The following PCDHA4 variants were observed in gnomAD, a reference collection of about 807,000 sequenced individuals.
PCDHA4 encodes the protein protocadherin alpha 4.
PCDHA4 carries 49 observed loss-of-function variants against 61.4 expected under a neutral mutation model. That is an observed-to-expected ratio of 0.80 (90% confidence interval 0.63 to 1.01). PCDHA4 has a LOEUF of 1.01. PCDHA4 is among the 50% of genes least tolerant of loss of function. The pLI is 0.00. For synonymous variants in PCDHA4, 590 were observed against 550.3 expected (o/e 1.07, Z -1.01); for missense variants, 1,254 against 1,235.8 (o/e 1.01, Z -0.22).
intron 1 of PCDHA4, chr5:140,829,547 G>A (rs2150169792): frequency 2.5e-6 from 4 of 1,612,860 alleles, no homozygotes; most frequent in African/African-American, 1.3e-5. Flanking sequence ...GGACGCGCAG[G>A]AGAACGCGCT....
intron 1 of PCDHA4, among the ~76,000 whole-genome samples, chr5:140,933,894 A>G (rs2089494206): frequency 6.6e-6 from 1 of 151,894 alleles, no homozygotes; most frequent in Non-Finnish European, 1.5e-5. Context: ...ACTTTTGAAT[A>G]TTTTGGCATA....
chr5:140,861,632 A>G (rs1314096154), intron 1 of PCDHA4: 8 of 308,696 alleles, frequency 2.6e-5, no homozygotes, highest in Non-Finnish European at 3.9e-5. Context: ...TGTTCTCAGC[A>G]ACACAAAAGA....
chr5:140,843,045 G>A (rs1219663342), intron 1 of PCDHA4: 1 of 1,594,956 alleles, frequency 6.3e-7, no homozygotes, highest in Non-Finnish European at 8.6e-7. Flanking sequence ...GGCACTGGTG[G>A]CGCAGCGAGC....
chr5:140,950,254 T>C (rs1554219388), intron 1 of PCDHA4, among the ~76,000 whole-genome samples: 1 of 152,040 alleles, frequency 6.6e-6, no homozygotes. Context: ...CCTAAAGAGC[T>C]GAGTTTATCC....
chr5:140,964,099 C>T (rs2095809950), intron 1 of PCDHA4, among the ~76,000 whole-genome samples: 1 of 152,142 alleles, frequency 6.6e-6, no homozygotes, highest in South Asian at 2.1e-4. Flanking sequence ...TAATTAACAA[C>T]AGTCTGAGCA....
At chr5:141,002,759 G>A (rs1312107218) in intron 3 of PCDHA4, among the ~76,000 whole-genome samples, 1 of 152,214 alleles carries the variant, frequency 6.6e-6, no homozygotes, top group Non-Finnish European at 1.5e-5. Flanking sequence ...ACCCTGTGAT[G>A]TAGACAGGAA....
intron 1 of PCDHA4, chr5:140,830,956 A>G (rs1012180465): frequency 6.6e-6 from 1 of 152,094 alleles, no homozygotes; most frequent in Non-Finnish European, 1.5e-5. Flanking sequence ...TAACGCTTTG[A>G]TTTTATCCAT....
chr5:140,835,671 G>T (rs1489343208), intron 1 of PCDHA4: 8 of 1,613,790 alleles, frequency 5.0e-6, no homozygotes, highest in Non-Finnish European at 6.8e-6. Context: ...CGCGCGGGAC[G>T]GGGGCTCGCC....
chr5:140,993,463 CACACACACACACACA>C (rs2097564014), intron 3 of PCDHA4, among the ~76,000 whole-genome samples: 3 of 7,580 alleles, frequency 4.0e-4, no homozygotes, highest in African/African-American at 2.0e-3. Context: ...CTTTCTTTCT[CACACACACACACACA>C]CACACACACA....
intron 3 of PCDHA4, among the ~76,000 whole-genome samples, chr5:140,995,409 A>G (rs1056120944): frequency 2.6e-4 from 39 of 152,210 alleles, no homozygotes; most frequent in Admixed American, 6.5e-5. Flanking sequence ...TCGAGATTTC[A>G]TCACATTACT....
chr5:140,916,211 G>C (rs1373329073), intron 1 of PCDHA4, among the ~76,000 whole-genome samples: 4 of 152,182 alleles, frequency 2.6e-5, no homozygotes, highest in Non-Finnish European at 5.9e-5. Flanking sequence ...CCCTGGGGAA[G>C]ATCCAAATAT....
chr5:140,874,505 T>C (rs550206385), intron 1 of PCDHA4, among the ~76,000 whole-genome samples: 1 of 152,366 alleles, frequency 6.6e-6, no homozygotes, highest in African/African-American at 2.4e-5. Context: ...GTTCACATTC[T>C]CTTGACTTTA....
At chr5:140,956,629 G>A (rs1554222520) in intron 1 of PCDHA4, among the ~76,000 whole-genome samples, 1 of 152,060 alleles carries the variant, frequency 6.6e-6, no homozygotes, top group Non-Finnish European at 1.5e-5. Flanking sequence ...TTGCATCTCT[G>A]CCAGGTTTTG....
intron 1 of PCDHA4, chr5:140,968,131 G>A (rs1485866692): frequency 1.2e-6 from 2 of 1,614,042 alleles, no homozygotes; most frequent in African/African-American, 1.3e-5. Context: ...TGCGTACACT[G>A]AAGGTTGAGA....
chr5:140,940,305 A>G (rs2092590184), intron 1 of PCDHA4, among the ~76,000 whole-genome samples: 1 of 152,126 alleles, frequency 6.6e-6, no homozygotes, highest in Non-Finnish European at 1.5e-5. Flanking sequence ...GTAATTTATT[A>G]TCTTTCTTCC....
chr5:140,874,465 T>C (rs1554167224), intron 1 of PCDHA4, among the ~76,000 whole-genome samples: 1 of 152,184 alleles, frequency 6.6e-6, no homozygotes. Flanking sequence ...TAGGGGAAGA[T>C]TTAGAGAAAA....
intron 1 of PCDHA4, chr5:140,877,161 G>A: frequency 6.2e-7 from 1 of 1,613,828 alleles, no homozygotes; most frequent in South Asian, 1.1e-5. Context: ...ACAACGCGCC[G>A]GCACTGCTGG....
intron 1 of PCDHA4, chr5:140,828,882 T>C (rs1187191951): frequency 3.7e-6 from 6 of 1,614,110 alleles, no homozygotes; most frequent in Non-Finnish European, 5.1e-6. Context: ...GTTATCAGAC[T>C]GAATGCTTCT....
At chr5:140,909,519 T>C (rs975700982) in intron 1 of PCDHA4, among the ~76,000 whole-genome samples, 4 of 152,214 alleles carry the variant, frequency 2.6e-5, no homozygotes, top group Non-Finnish European at 4.4e-5. Context: ...TCACAACCCC[T>C]GCACATTTTG....
Sources: allele counts gnomAD v4.1 joint callset (sites outside exome capture counted in the v4.1 genomes callset), GRCh38; gene constraint gnomAD v4.1.1; transcripts MANE v1.5; gene names NCBI Gene and HGNC (gene_info 2026-07-23, HGNC 2026-07-21).